The following CSRP1 variants were observed in gnomAD, a reference collection of about 807,000 sequenced individuals.
The protein encoded by CSRP1 is cysteine and glycine rich protein 1.
Under a neutral mutation model 25.4 loss-of-function variants are expected in CSRP1, and 16 were observed. The ratio of observed to expected loss-of-function variants is 0.63; its 90% confidence interval spans 0.43 to 0.96. CSRP1 has a LOEUF of 0.96. Among genes scored for constraint, CSRP1 ranks in the 40% least tolerant of loss-of-function variants. The pLI, the probability that CSRP1 is intolerant of heterozygous loss-of-function variation, is 0.00. For missense variants in CSRP1, 212 were observed against 243.6 expected (o/e 0.87, Z 0.86); for synonymous variants, 97 against 95.3 (o/e 1.02, Z -0.10).
intron 1 of CSRP1, among the ~76,000 whole-genome samples, chr1:201,503,719 C>T (rs991702878): frequency 6.6e-6 from 1 of 152,176 alleles, no homozygotes; most frequent in Non-Finnish European, 1.5e-5. Context: ...CACGTCATTA[C>T]CATATAAATT....
chr1:201,499,478 T>C (rs1664602865), intron 1 of CSRP1, among the ~76,000 whole-genome samples: 1 of 152,090 alleles, frequency 6.6e-6, no homozygotes, highest in African/African-American at 2.4e-5. Flanking sequence ...GAATAATGTA[T>C]CCAGTTGTAC....
At chr1:201,496,010 A>T (rs1664498836) in intron 2 of CSRP1, 182 bp downstream of exon 2, 1 of 559,942 alleles carries the variant, frequency 1.8e-6, no homozygotes, top group Non-Finnish European at 3.2e-6. Context: ...CCTTAGAAAG[A>T]AGCTTCTGAA....
intron 5 of CSRP1, 80 bp from the exon 6 acceptor site, chr1:201,484,869 C>T (rs1664082397): frequency 1.6e-6 from 2 of 1,284,218 alleles, no homozygotes; most frequent in African/African-American, 2.9e-5. Context: ...TGAAGATCCC[C>T]CACTCCTAGT....
intron 1 of CSRP1, among the ~76,000 whole-genome samples, chr1:201,497,291 G>A (rs527444160): frequency 6.8e-5 from 10 of 146,058 alleles, no homozygotes; most frequent in Non-Finnish European, 1.0e-4. Context: ...CTTGGGAGGC[G>A]GAGGTAGCAG....
chr1:201,487,030 C>T (rs1259302896), intron 4 of CSRP1: 1 of 1,277,936 alleles, frequency 7.8e-7, no homozygotes, highest in Non-Finnish European at 1.0e-6. Context: ...AAATAAACAA[C>T]AATAATAATA....
Position 201,489,058 on chromosome 1 carries a change from A to G in CSRP1, c.282-74T>C, listed in dbSNP as rs1664243623. ...GTGGGGCTGGCACTGAGAGGGCATGACCCTACCTTCATCTCATGCCAGAGC... is the reference window on the plus strand; with the variant it reads ...GTGGGGCTGGCACTGAGAGGGCATGGCCCTACCTTCATCTCATGCCAGAGC... On this transcript the variant is annotated intron_variant, in intron 3 of 5. Coordinates refer to ENST00000340006, the MANE Select transcript of CSRP1 (RefSeq NM_004078.3). 3.8e-6 allele frequency: 6 copies of G among 1,581,442 alleles called. 1 individual carries two copies. The South Asian group carries it at 6.7e-5, about 18-fold the overall frequency.
At chr1:201,501,171 C>T (rs529626977) in intron 1 of CSRP1, among the ~76,000 whole-genome samples, 5 of 152,110 alleles carry the variant, frequency 3.3e-5, no homozygotes, top group Admixed American at 6.5e-5. Context: ...TGTAAGTGCC[C>T]GCCCCTCTGA....
chr1:201,506,622 A>C (rs1485509564), intron 1 of CSRP1: 1 of 152,202 alleles, frequency 6.6e-6, no homozygotes, highest in Non-Finnish European at 1.5e-5. Flanking sequence ...GAAAACTCAC[A>C]CCTGCGCTCA....
rs1023799023 is a variant in CSRP1 at position 201,505,316 on chromosome 1, C to G, written c.-2+1754G>C. Reference sequence around the variant, plus strand: ...GTCACTACACTCCCAGGCTGCAACTCTGGCCCAGTCAGGACTCACTAGCTC... The same window carrying G: ...GTCACTACACTCCCAGGCTGCAACTGTGGCCCAGTCAGGACTCACTAGCTC... On this transcript the variant is annotated intron_variant, in intron 1 of 5. Coordinates refer to ENST00000340006, the MANE Select transcript of CSRP1 (RefSeq NM_004078.3). 1.1e-4 allele frequency among the ~76,000 whole-genome samples: 16 copies of G among 152,312 alleles called. No homozygotes were observed. The East Asian group carries it at 3.1e-3, about 29-fold the overall frequency.
In CSRP1 at chr1:201,483,748, G is replaced by A. The variant is rs1411200286; in HGVS notation, c.*965C>T. 2 of 424,340 alleles carry A rather than the reference G, an allele frequency of 4.7e-6. No homozygotes were observed. Among genetic ancestry groups the A allele is most frequent in the East Asian group, 6.8e-5 (2 of 29,504 alleles). The allele number at this position is 424,340 out of a possible 1,614,324, so 26.3% of individuals were successfully genotyped here. ...AAGGGTCCCTGGAGAAGGGTGGAGT[G>A]GAAGAGGCAGGGTCTTGGGTTAAAG... On this transcript the variant is annotated 3_prime_UTR_variant, in exon 6 of 6. Coordinates refer to ENST00000340006, the MANE Select transcript of CSRP1 (RefSeq NM_004078.3).
At chr1:201,501,854 A>G (rs922938499) in intron 1 of CSRP1, among the ~76,000 whole-genome samples, 2 of 152,006 alleles carry the variant, frequency 1.3e-5, no homozygotes, top group African/African-American at 4.8e-5. Context: ...TTAGCCGGGT[A>G]TGGTGGCGGG....
At chr1:201,505,321 CCA>C (rs1664793386) in intron 1 of CSRP1, among the ~76,000 whole-genome samples, 1 of 152,156 alleles carries the variant, frequency 6.6e-6, no homozygotes, top group Non-Finnish European at 1.5e-5. Flanking sequence ...CAACTCTGGC[CCA>C]GTCAGGACTC....
chr1:201,489,075 T>C, intron 3 of CSRP1, 91 bp from the exon 4 acceptor site: 3 of 1,543,190 alleles, frequency 1.9e-6, no homozygotes, highest in East Asian at 2.3e-5. Context: ...CTTCATCTCA[T>C]GCCAGAGCAG....
intron 1 of CSRP1, among the ~76,000 whole-genome samples, chr1:201,497,517 C>T (rs1363631616): frequency 1.3e-5 from 2 of 152,078 alleles, no homozygotes; most frequent in African/African-American, 2.4e-5. Context: ...GAATGAGGTA[C>T]TTGAATCTGA....
chr1:201,484,189 T>G lies in CSRP1; in HGVS notation c.*524A>C. 1.7e-6 allele frequency: 1 copy of G among 571,654 alleles called. No individual in the cohort carries two copies. The highest frequency in any genetic ancestry group is 3.2e-6 in the Non-Finnish European group (1 of 312,408). The allele number at this position is 571,654 out of a possible 1,614,324, so 35.4% of individuals were successfully genotyped here. A position where few individuals can be genotyped will look rare whatever the true frequency, so the allele number is the denominator to read the frequency against. On this transcript the variant is annotated 3_prime_UTR_variant, in exon 6 of 6. Transcript: ENST00000340006. ...CTGCATGCCTCTCTGCCTCCAATAG[T>G]GACTCCCTAAGCTGGGACTCCTCAG...
chr1:201,495,854 G>A (rs1457550453), intron 2 of CSRP1: 1 of 231,694 alleles, frequency 4.3e-6, no homozygotes, highest in Non-Finnish European at 8.4e-6. Context: ...GCAAAGGGCT[G>A]AAAGTGTTTT....
chr1:201,485,662 C>A lies in CSRP1; in HGVS notation c.412-286G>T, dbSNP rs190969181. On this transcript the variant is annotated intron_variant, in intron 4 of 5. Transcript: ENST00000340006. ...GCAGGTGAGGGGGTGGGTTTAACAC[C>A]AAAGTAGCTGTTACCCCACTGGCTG... The A allele has an allele frequency of 4.6e-5, 20 of 431,402 alleles. No homozygotes were observed. The East Asian group carries it at 8.2e-4, about 18-fold the overall frequency. The allele number at this position is 431,402 out of a possible 1,614,324, so 26.7% of individuals were successfully genotyped here.
chr1:201,496,518 G>T lies in CSRP1; in HGVS notation c.-1-214C>A, dbSNP rs145929705. 9.7e-3 allele frequency: 5,668 copies of T among 582,898 alleles called. 66 individuals carry two copies. The highest frequency in any genetic ancestry group is 0.011 in the Non-Finnish European group (3,712 of 324,308). The allele number at this position is 582,898 out of a possible 1,614,324, so 36.1% of individuals were successfully genotyped here. On this transcript the variant is annotated intron_variant, in intron 1 of 5. Transcript: ENST00000340006. ...TTTCCTCCCCCCAATCTAATCAACA[G>T]GTCTTTACAGAGCAGCTGCTGCATT...
Position 201,484,638 on chromosome 1 carries a change from G to T in CSRP1, c.*75C>A. 6 of 1,312,104 alleles carry T rather than the reference G, an allele frequency of 4.6e-6. No individual in the cohort carries two copies. The highest frequency in any genetic ancestry group is 2.4e-5 in the East Asian group (1 of 42,192). 81.3% of individuals were successfully genotyped at this position (1,312,104 alleles called of 1,614,324 possible). On this transcript the variant is annotated 3_prime_UTR_variant, in exon 6 of 6. Coordinates refer to ENST00000340006, the MANE Select transcript of CSRP1 (RefSeq NM_004078.3). ...GGCTGACAGAGAAATAATCCTGGAG[G>T]TCTCCAAAGCTGCTGGGAATGGAAT...
Sources: gnomAD v4.1 joint callset for allele counts (sites outside exome capture counted in the v4.1 genomes callset) on GRCh38, gnomAD v4.1.1 for gene constraint, MANE v1.5 for transcripts, NCBI Gene and HGNC (gene_info 2026-07-23, HGNC 2026-07-21) for gene names.